The following MAPK8 variants were observed in gnomAD, a reference collection of about 807,000 sequenced individuals.
The protein encoded by MAPK8 is JUN N-terminal kinase.
Under a neutral mutation model 52.9 loss-of-function variants are expected in MAPK8, and 13 were observed. The ratio of observed to expected loss-of-function variants is 0.25; its 90% CI spans 0.16 to 0.39. The LOEUF is 0.39. Ranked by LOEUF, MAPK8 falls within the 10% of genes least tolerant of loss-of-function variation. The probability of loss-of-function intolerance (pLI) is 1.00; values close to 1 mark genes in which losing one functional copy is unlikely to be tolerated. For synonymous variants in MAPK8, 191 were observed against 169.8 expected (o/e 1.12, Z -0.97); for missense variants, 300 against 519.2 (o/e 0.58, Z 4.10).
At chr10:48,340,902 A>G (rs1001734742) in intron 1 of MAPK8, among the ~76,000 whole-genome samples, 4 of 152,228 alleles carry the variant, frequency 2.6e-5, no homozygotes, top group Admixed American at 1.3e-4. Context: ...CAAAGTTTCC[A>G]TACTGTGTTT....
At chr10:48,395,431 T>G (rs1302653708) in intron 1 of MAPK8, among the ~76,000 whole-genome samples, 2 of 152,026 alleles carry the variant, frequency 1.3e-5, no homozygotes, top group Admixed American at 6.6e-5. Flanking sequence ...TAACAAATGA[T>G]TTTTGGACAA....
chr10:48,428,009 G>C (rs1378285138), intron 10 of MAPK8, among the ~76,000 whole-genome samples: 3 of 152,168 alleles, frequency 2.0e-5, no homozygotes, highest in Non-Finnish European at 4.4e-5. Context: ...ATCCTGGAAG[G>C]AGATGTTCTG....
Position 48,409,908 on chromosome 10 carries a change from A to G in MAPK8, c.282A>G (p.Pro94=). Residue 94 remains proline (P), a synonymous_variant, in exon 4 of 12, where the codon CCA becomes CCG. Coordinates refer to ENST00000374189, the MANE Select transcript of MAPK8 (RefSeq NM_001323329.2). ...TTGGCCTTTTGAATGTTTTCACACC[A>G]CAGAAATCCCTAGAAGAATTTCAAG... The part of the protein sequence containing the change: ...NIIGLLNVFT[P]QKSLEEFQDV... The G allele has an allele frequency of 6.2e-7, 1 of 1,611,648 alleles. No individual in the cohort carries two copies. The highest frequency in any genetic ancestry group is 8.5e-7 in the Non-Finnish European group (1 of 1,178,272).
At chr10:48,329,393 A>C (rs528331533) in intron 1 of MAPK8, among the ~76,000 whole-genome samples, 1 of 152,094 alleles carries the variant, frequency 6.6e-6, no homozygotes, top group Non-Finnish European at 1.5e-5. Flanking sequence ...TGAGATCCCT[A>C]ATTGGAAGAA....
At chr10:48,426,575 G>T in intron 9 of MAPK8, 71 bp downstream of exon 9, 1 of 1,414,304 alleles carries the variant, frequency 7.1e-7, no homozygotes, top group South Asian at 1.3e-5. Context: ...AGGTTTGGAG[G>T]AGACCTTTTA....
intron 1 of MAPK8, among the ~76,000 whole-genome samples, chr10:48,359,385 A>G (rs1445319397): frequency 1.3e-5 from 2 of 152,034 alleles, no homozygotes; most frequent in African/African-American, 2.4e-5. Context: ...TAGTTTTGCC[A>G]TTTTTTAAAA....
In MAPK8 at chr10:48,435,038, G is replaced by GC; in HGVS notation, c.*11dup. ...TGGGCTGCTGTAGATGACTACTTGGGCCATCGGGGGGTGGGAGGGATGGGG... is the reference window on the plus strand; with the variant it reads ...TGGGCTGCTGTAGATGACTACTTGGGCCCATCGGGGGGTGGGAGGGATGGGG... On this transcript the variant is annotated 3_prime_UTR_variant, in exon 12 of 12. Transcript: ENST00000374189. 2 of 560,322 alleles carry GC rather than the reference G, an allele frequency of 3.6e-6. No homozygotes were observed. The highest frequency in any genetic ancestry group is 2.6e-5 in the Admixed American group (1 of 38,820). The allele number at this position is 560,322 out of a possible 1,614,324, so 34.7% of individuals were successfully genotyped here.
intron 1 of MAPK8, among the ~76,000 whole-genome samples, chr10:48,327,535 C>A (rs1014304554): frequency 6.6e-6 from 1 of 152,134 alleles, no homozygotes; most frequent in African/African-American, 2.4e-5. Context: ...AGATACTGGT[C>A]TGTAGCTTTC....
intron 1 of MAPK8, among the ~76,000 whole-genome samples, chr10:48,400,937 A>G (rs2042127292): frequency 6.7e-6 from 1 of 149,082 alleles, no homozygotes; most frequent in African/African-American, 2.5e-5. Context: ...GGCAGGATAG[A>G]ATAGTATTGT....
rs569198976 is a variant in MAPK8, at chr10:48,438,945, C to T, written c.*3916C>T. 9 of 152,174 alleles carry T rather than the reference C, an allele frequency of 5.9e-5. No individual in the cohort carries two copies. Among genetic ancestry groups the T allele is most frequent in the Non-Finnish European group, 1.0e-4 (7 of 67,992 alleles). 9.4% of individuals were successfully genotyped at this position (152,174 alleles called of 1,614,324 possible). A position where few individuals can be genotyped will look rare whatever the true frequency, so the allele number is the denominator to read the frequency against. ...GAAGAAATAAATTACTTTTGTAGGC[C>T]CAATATTTGGTATATTTTTGAGAAG... On this transcript the variant is annotated 3_prime_UTR_variant, in exon 12 of 12. Transcript: ENST00000374189.
chr10:48,425,991 T>C lies in MAPK8; in HGVS notation c.792T>C (p.Pro264=). Residue 264 remains proline, a synonymous_variant, in exon 8 of 12, where the codon CCT becomes CCC. Coordinates refer to ENST00000374189, the MANE Select transcript of MAPK8 (RefSeq NM_001323329.2). ...TAAGGACTTACGTTGAAAACAGACC[T>C]AAATATGCTGGATATAGCTTTGAGA... ...PTVRTYVENR[P]KYAGYSFEKL... is the part of the protein sequence containing the mutation. 6.2e-7 allele frequency: 1 copy of C among 1,613,426 alleles called. No homozygotes were observed. The highest frequency in any genetic ancestry group is 2.2e-5 in the East Asian group (1 of 44,822).
At chr10:48,330,882 A>G (rs1844073354) in intron 1 of MAPK8, among the ~76,000 whole-genome samples, 1 of 152,078 alleles carries the variant, frequency 6.6e-6, no homozygotes, top group South Asian at 2.1e-4. Context: ...CTGATCACTT[A>G]TCATGACTTT....
chr10:48,434,756 C>G (rs542395136), intron 11 of MAPK8, 128 bp from the exon 12 acceptor site: 3 of 646,960 alleles, frequency 4.6e-6, no homozygotes, highest in Non-Finnish European at 7.4e-6. Flanking sequence ...ATATCATTTG[C>G]GATTATTTTT....
intron 5 of MAPK8, among the ~76,000 whole-genome samples, chr10:48,417,775 C>A (rs1441754105): frequency 6.6e-6 from 1 of 152,190 alleles, no homozygotes; most frequent in East Asian, 1.9e-4. Context: ...ATACTTTCTT[C>A]CAGGGGTCTA....
chr10:48,410,844 T>C (rs2042709282), intron 5 of MAPK8, among the ~76,000 whole-genome samples: 1 of 152,206 alleles, frequency 6.6e-6, no homozygotes, highest in South Asian at 2.1e-4. Flanking sequence ...AAGTGGTGTT[T>C]CTTGTGATTT....
chr10:48,418,671 T>A (rs956934701), intron 5 of MAPK8, among the ~76,000 whole-genome samples: 1 of 152,222 alleles, frequency 6.6e-6, no homozygotes, highest in Non-Finnish European at 1.5e-5. Flanking sequence ...TTCCACTGCC[T>A]GCATAAATTC....
intron 5 of MAPK8, among the ~76,000 whole-genome samples, chr10:48,411,618 A>G (rs1269699533): frequency 1.3e-5 from 2 of 152,178 alleles, no homozygotes; most frequent in Non-Finnish European, 2.9e-5. Flanking sequence ...GTGATGCCAT[A>G]TGAATTTGAG....
chr10:48,358,711 T>G (rs1198168240), intron 1 of MAPK8, among the ~76,000 whole-genome samples: 1 of 152,220 alleles, frequency 6.6e-6, no homozygotes, highest in African/African-American at 2.4e-5. Flanking sequence ...AGATTTACCC[T>G]CCTATCTTTT....
chr10:48,401,985 A>G (rs555282222), intron 2 of MAPK8, among the ~76,000 whole-genome samples: 2 of 152,320 alleles, frequency 1.3e-5, no homozygotes, highest in South Asian at 4.1e-4. Flanking sequence ...AAGGTTGAGT[A>G]TCCCTTATCT....
Sources: gnomAD v4.1 joint callset for allele counts (sites outside exome capture counted in the v4.1 genomes callset) on GRCh38, gnomAD v4.1.1 for gene constraint, MANE v1.5 for transcripts, NCBI Gene and HGNC (gene_info 2026-07-23, HGNC 2026-07-21) for gene names.